DNAH12: variants seen among roughly 807,000 people sequenced by gnomAD.
DNAH12 encodes dynein axonemal heavy chain 12.
Under a neutral mutation model 371.5 loss-of-function variants are expected in DNAH12, and 285 were observed. The observed-to-expected ratio is 0.77, with a 90% CI of 0.70 to 0.85. The LOEUF (loss-of-function observed/expected upper bound fraction) is 0.85. Ranked by LOEUF, DNAH12 falls within the 40% of genes least tolerant of loss-of-function variation. The probability of loss-of-function intolerance (pLI) is 0.00; values close to 1 mark genes in which losing one functional copy is unlikely to be tolerated. For synonymous variants in DNAH12, 1,200 were observed against 1,213.0 expected, an observed-to-expected ratio of 0.99 and a Z score of 0.22; for missense variants, 3,611 against 3,689.4, an observed-to-expected ratio of 0.98 and a Z score of 0.55.
chr3:57,334,928 C>A lies in DNAH12; in HGVS notation c.9687G>T (p.Glu3229Asp). Residue 3229 changes from glutamate (E) to aspartate (D), a missense_variant, in exon 61 of 74, where the codon GAG becomes GAT. By Grantham distance (45) the Glu-to-Asp change is conservative. Coordinates refer to ENST00000495027, the MANE Select transcript of DNAH12 (RefSeq NM_001366028.2). ...LCANLLLARK[E>D]IEYQELMFLL... ...GAAACATCAGTTCCTGGTATTCAAT[C>A]TCTTTCCTTGCCCTGTATTCCCAAA... The A allele has an allele frequency of 6.5e-7, 1 of 1,548,296 alleles. No homozygotes were observed.
chr3:57,377,256 T>C (rs1275916043), intron 52 of DNAH12, 34 bp from the exon 53 acceptor site: 1 of 152,158 alleles, frequency 6.6e-6, no homozygotes, highest in Non-Finnish European at 1.5e-5. Context: ...ATATGATGTG[T>C]ACTTTGTAAA....
chr3:57,334,673 C>A, intron 61 of DNAH12, 64 bp from the exon 62 acceptor site: 1 of 1,510,742 alleles, frequency 6.6e-7, no homozygotes, highest in Non-Finnish European at 8.8e-7. Context: ...GATTGTTGAA[C>A]AAGGAGTAGA....
chr3:57,310,647 AG>A, intron 67 of DNAH12, 69 bp downstream of exon 67: 1 of 1,060,766 alleles, frequency 9.4e-7, no homozygotes. Flanking sequence ...ACATTAGAGA[AG>A]AACATTTCAC....
intron 62 of DNAH12, among the ~76,000 whole-genome samples, chr3:57,331,050 C>G (rs1447152277): frequency 1.2e-4 from 19 of 152,152 alleles, no homozygotes; most frequent in African/African-American, 4.3e-4. Context: ...TGAGCTTCTA[C>G]CATCTGTCAG....
intron 70 of DNAH12, 142 bp downstream of exon 70, chr3:57,301,593 G>T: frequency 1.1e-6 from 1 of 923,824 alleles, no homozygotes; most frequent in Non-Finnish European, 1.6e-6. Flanking sequence ...AGTGACCACA[G>T]CCAACAACTA....
chr3:57,555,016 C>CG, the DNAH12 span, among the ~76,000 whole-genome samples: 5 of 151,698 alleles, frequency 3.3e-5, no homozygotes, highest in Non-Finnish European at 7.4e-5. Flanking sequence ...GAGGGTAAGG[C>CG]GGGGGGCTTG....
chr3:57,500,970 A>G (rs774778362), intron 11 of DNAH12, among the ~76,000 whole-genome samples: 23 of 152,104 alleles, frequency 1.5e-4, no homozygotes, highest in Non-Finnish European at 2.6e-4. Flanking sequence ...TCGTAGAGAC[A>G]CGGTCTCACT....
chr3:57,520,329 G>A (rs1352376191), intron 4 of DNAH12, among the ~76,000 whole-genome samples: 3 of 151,898 alleles, frequency 2.0e-5, no homozygotes, highest in Admixed American at 6.6e-5. Context: ...GGCTAGTCTC[G>A]AACCGCCCGC....
chr3:57,459,742 TTCA>T lies in DNAH12; in HGVS notation c.2778_2780del (p.Asp926del), dbSNP rs1248051194. On this transcript the variant is annotated inframe_deletion, in exon 20 of 74. Coordinates refer to ENST00000495027, the MANE Select transcript of DNAH12 (RefSeq NM_001366028.2). The stretch of plus-strand genomic sequence containing the variant: ...GCCATTGAGCTTGTACTTTTAACCA[TTCA>T]TCAATTGTTTCTTGTATTCGAATCA... The T allele has an allele frequency of 6.5e-7, 1 of 1,531,926 alleles. No homozygotes were observed. Among genetic ancestry groups the T allele is most frequent in the Non-Finnish European group, 8.8e-7 (1 of 1,133,586 alleles). The allele number at this position is 1,531,926 out of a possible 1,614,324, so 94.9% of individuals were successfully genotyped here.
intron 19 of DNAH12, 49 bp from the exon 20 acceptor site, chr3:57,459,835 A>G (rs2066005125): frequency 1.6e-6 from 2 of 1,261,968 alleles, no homozygotes; most frequent in African/African-American, 1.5e-5. Context: ...AAGAAAGGCT[A>G]TAAATTATAG....
At chr3:57,384,624 A>G (rs2063465160) in intron 49 of DNAH12, among the ~76,000 whole-genome samples, 1 of 152,204 alleles carries the variant, frequency 6.6e-6, no homozygotes, top group Non-Finnish European at 1.5e-5. Flanking sequence ...AGCTTGGTCA[A>G]CAAAGTGAGA....
At chr3:57,383,769 A>T (rs1467932803) in intron 49 of DNAH12, among the ~76,000 whole-genome samples, 2 of 151,720 alleles carry the variant, frequency 1.3e-5, no homozygotes, top group Admixed American at 6.6e-5. Flanking sequence ...TAAAAAAAAA[A>T]AAAAAGGAGA....
rs961622807 is a variant in DNAH12, at chr3:57,400,704, A to T, written c.6948+2605T>A. Among the ~76,000 whole-genome samples the T allele has an allele frequency of 4.8e-4, 73 of 152,364 alleles. No individual in the cohort carries two copies. In the Middle Eastern group the frequency reaches 0.01, roughly 21 times the overall value. On this transcript the variant is annotated intron_variant, in intron 43 of 73. Coordinates refer to ENST00000495027, the MANE Select transcript of DNAH12 (RefSeq NM_001366028.2). ...CTGTGCTTATCTCTTTTTGGACCAC[A>T]GTTGACTGTGGGTAACTAAAACTGC...
At chr3:57,322,590 A>G (rs1288391819) in intron 64 of DNAH12, 107 bp from the exon 65 acceptor site, 2 of 1,291,490 alleles carry the variant, frequency 1.5e-6, no homozygotes, top group Admixed American at 3.0e-5. Flanking sequence ...CTCCAGAAAT[A>G]TTCAAAAAAC....
rs145170676 is a variant in DNAH12, at chr3:57,533,758, C to T, written c.170+8943G>A. On this transcript the variant is annotated intron_variant, in intron 2 of 73. Transcript: ENST00000495027. ...AAAATTCTCTTTGCTCTTCCCTTTC[C>T]TCTCTTCATGCGGAAGGAAGGGTCT... is the stretch of plus-strand genomic sequence containing the variant. Among the ~76,000 whole-genome samples, 18 of 152,290 alleles carry T rather than the reference C, an allele frequency of 1.2e-4. No homozygotes were observed. The South Asian group carries it at 2.3e-3, about 19-fold the overall frequency.
chr3:57,388,728 A>G (rs1275577525), intron 45 of DNAH12, among the ~76,000 whole-genome samples: 1 of 152,170 alleles, frequency 6.6e-6, no homozygotes, highest in African/African-American at 2.4e-5. Context: ...GCAGCCATAA[A>G]AAAGGATGAG....
At chr3:57,372,816 T>C (rs907011840) in intron 55 of DNAH12, among the ~76,000 whole-genome samples, 4 of 151,528 alleles carry the variant, frequency 2.6e-5, no homozygotes, top group Middle Eastern at 3.4e-3. Context: ...AGGAGACAAA[T>C]AGAAAAGAAC....
intron 12 of DNAH12, among the ~76,000 whole-genome samples, chr3:57,487,423 A>AAAG (rs567216257): frequency 0.1 from 15,003 of 150,122 alleles, 954 homozygotes; most frequent in South Asian, 0.15. Flanking sequence ...AAAAAGAAAG[A>AAAG]AAAAAAAGAA....
chr3:57,464,273 C>T (rs1006648863), intron 17 of DNAH12, among the ~76,000 whole-genome samples: 1 of 152,104 alleles, frequency 6.6e-6, no homozygotes, highest in Admixed American at 6.6e-5. Context: ...CTGTAAGCCA[C>T]AGAAGATGCC....
Sources: allele counts gnomAD v4.1 joint callset (sites outside exome capture counted in the v4.1 genomes callset), GRCh38; gene constraint gnomAD v4.1.1; transcripts MANE v1.5; gene names NCBI Gene and HGNC (gene_info 2026-07-23, HGNC 2026-07-21).